Variants in CBFA2T2 observed in about 807,000 individuals in gnomAD.
CBFA2T2 encodes the protein protein CBFA2T2.
A neutral mutation model predicts 62.2 loss-of-function variants in CBFA2T2; 11 were observed. The ratio of observed to expected loss-of-function variants is 0.18; its 90% CI spans 0.11 to 0.29. The LOEUF (loss-of-function observed/expected upper bound fraction) is 0.29. Among genes scored for constraint, CBFA2T2 ranks in the 10% least tolerant of loss-of-function variants. The pLI is 1.00. For missense variants in CBFA2T2, 592 were observed against 774.1 expected (o/e 0.76, Z 2.79); for synonymous variants, 295 against 287.5 (o/e 1.03, Z -0.27).
intron 2 of CBFA2T2, 79 bp downstream of exon 2, chr20:33,607,178 A>G (rs113053077): frequency 7.5e-7 from 1 of 1,331,806 alleles, no homozygotes; most frequent in Non-Finnish European, 1.0e-6. Context: ...GAAGCGTTCC[A>G]CATATATTAT....
At chr20:33,632,613 C>T (rs935562432) in intron 8 of CBFA2T2, among the ~76,000 whole-genome samples, 2 of 151,276 alleles carry the variant, frequency 1.3e-5, no homozygotes, top group South Asian at 4.2e-4. Flanking sequence ...GGATTACAAG[C>T]GCCTGCCACC....
At chr20:33,559,464 A>G (rs2013019329) in intron 1 of CBFA2T2, among the ~76,000 whole-genome samples, 2 of 150,784 alleles carry the variant, frequency 1.3e-5, no homozygotes, top group South Asian at 4.2e-4. Context: ...GTGATCCACC[A>G]CTCCTGGCCC....
In CBFA2T2 at chr20:33,647,914, G is replaced by C. The variant is rs745918816; in HGVS notation, c.*3268G>C. 6.6e-6 allele frequency: 1 copy of C among 152,262 alleles called. No homozygotes were observed. Among genetic ancestry groups the C allele is most frequent in the African/African-American group, 2.4e-5 (1 of 41,476 alleles). 9.4% of individuals were successfully genotyped at this position (152,262 alleles called of 1,614,324 possible). A position where few individuals can be genotyped will look rare whatever the true frequency, so the allele number is the denominator to read the frequency against. On this transcript the variant is annotated 3_prime_UTR_variant, in exon 11 of 11. Transcript: ENST00000342704. ...TGTTAATTCTGGTCAGTTTCACACA[G>C]AAGTCACGAGGGCCTCTGCCCAGGA...
At chr20:33,621,122 C>A (rs2015946032) in intron 4 of CBFA2T2, among the ~76,000 whole-genome samples, 1 of 152,076 alleles carries the variant, frequency 6.6e-6, no homozygotes, top group Non-Finnish European at 1.5e-5. Flanking sequence ...GATAGTTATT[C>A]TATCTGCGCA....
At chr20:33,545,597 C>T (rs4911128) in intron 1 of CBFA2T2, among the ~76,000 whole-genome samples, 2,569 of 152,310 alleles carry the variant, frequency 0.017, 205 homozygotes, top group Admixed American at 0.14. Context: ...CAGGCACATG[C>T]CGCCATGCCT....
intron 1 of CBFA2T2, among the ~76,000 whole-genome samples, chr20:33,581,935 A>G (rs1212860054): frequency 6.6e-6 from 1 of 152,206 alleles, no homozygotes; most frequent in African/African-American, 2.4e-5. Context: ...AAGGAATCTT[A>G]GTTTTCGGCT....
intron 1 of CBFA2T2, among the ~76,000 whole-genome samples, chr20:33,541,304 G>A (rs1322210094): frequency 2.0e-5 from 3 of 152,216 alleles, no homozygotes; most frequent in East Asian, 3.8e-4. Context: ...TTAGAAGCAG[G>A]TTAAGCCAAA....
At chr20:33,511,593 A>C (rs546285404) in intron 1 of CBFA2T2, among the ~76,000 whole-genome samples, 4 of 152,316 alleles carry the variant, frequency 2.6e-5, no homozygotes, top group Admixed American at 2.6e-4. Context: ...TGTCTTCCAA[A>C]AGGATTACAG....
At chr20:33,564,978 G>A (rs1270779492) in intron 1 of CBFA2T2, among the ~76,000 whole-genome samples, 2 of 152,010 alleles carry the variant, frequency 1.3e-5, no homozygotes, top group Admixed American at 6.5e-5. Context: ...GGAGTGCAGC[G>A]GCGCGATCTC....
Position 33,648,806 on chromosome 20 carries a change from A to C in CBFA2T2, c.*4160A>C, listed in dbSNP as rs1258110655. On this transcript the variant is annotated 3_prime_UTR_variant, in exon 11 of 11. Coordinates refer to ENST00000342704, the MANE Select transcript of CBFA2T2 (RefSeq NM_001032999.3). ...GGTCACCAGGAGTTCATCACTGCTT[A>C]GTGTCAACTTGACATCTTCAGCTTC... The C allele has an allele frequency of 2.0e-5, 3 of 152,246 alleles. No homozygotes were observed. Among genetic ancestry groups the C allele is most frequent in the Non-Finnish European group, 4.4e-5 (3 of 68,054 alleles). 9.4% of individuals were successfully genotyped at this position (152,246 alleles called of 1,614,324 possible). A position where few individuals can be genotyped will look rare whatever the true frequency, so the allele number is the denominator to read the frequency against.
At chr20:33,637,211 A>G (rs1213594066) in intron 9 of CBFA2T2, among the ~76,000 whole-genome samples, 5 of 152,190 alleles carry the variant, frequency 3.3e-5, no homozygotes, top group Non-Finnish European at 7.3e-5. Flanking sequence ...GGGACTGCCT[A>G]TTTTGTAAGT....
In CBFA2T2 at chr20:33,574,224, C is replaced by T. The variant is rs535410000; in HGVS notation, c.35-32732C>T. 8 of 1,613,602 alleles carry T rather than the reference C, an allele frequency of 5.0e-6. No individual in the cohort carries two copies. The East Asian group carries it at 1.8e-4, about 36-fold the overall frequency. On this transcript the variant is annotated intron_variant, in intron 1 of 10. Coordinates refer to ENST00000342704, the MANE Select transcript of CBFA2T2 (RefSeq NM_001032999.3). Reference sequence around the variant, plus strand: ...GAATGGCTAAAGAATCTGGAATAAGCTTGAAAGAAATACAGGTCCTGGCAA... The same window carrying T: ...GAATGGCTAAAGAATCTGGAATAAGTTTGAAAGAAATACAGGTCCTGGCAA...
intron 1 of CBFA2T2, among the ~76,000 whole-genome samples, chr20:33,576,685 C>T (rs2013840933): frequency 6.6e-6 from 1 of 152,274 alleles, no homozygotes. Context: ...AGGCAGCCAC[C>T]AGGAGGGCGC....
chr20:33,565,705 C>G (rs766570255), intron 1 of CBFA2T2, among the ~76,000 whole-genome samples: 3 of 152,084 alleles, frequency 2.0e-5, no homozygotes, highest in Non-Finnish European at 4.4e-5. Context: ...AATCATGATT[C>G]TTTCTGAAGA....
At chr20:33,521,274 G>A (rs1443116717) in intron 1 of CBFA2T2, among the ~76,000 whole-genome samples, 1 of 152,022 alleles carries the variant, frequency 6.6e-6, no homozygotes, top group Admixed American at 6.6e-5. Context: ...AGCTTGTTTT[G>A]CTAGTGTTAT....
At chr20:33,593,027 TTC>T (rs1344423732) in intron 1 of CBFA2T2, among the ~76,000 whole-genome samples, 1 of 152,180 alleles carries the variant, frequency 6.6e-6, no homozygotes, top group African/African-American at 2.4e-5. Context: ...AGAGCTGTTT[TTC>T]TTTCACATTG....
At position 33,607,022 on chromosome 20, in the gene CBFA2T2, C is replaced by T; in HGVS notation, c.101C>T (p.Ser34Phe). The T allele has an allele frequency of 6.2e-7, 1 of 1,614,024 alleles. No individual in the cohort carries two copies. The highest frequency in any genetic ancestry group is 8.5e-7 in the Non-Finnish European group (1 of 1,179,960). The change falls in exon 2 of 11, where the codon TCC becomes TTC. Residue 34 changes from serine to phenylalanine, a missense_variant. Ser to Phe is a radical substitution (Grantham distance 155). Transcript: ENST00000342704. ...SPVEVKIQSR[S>F]SPPTMPPLPP... is the part of the protein sequence containing the mutation. Reference sequence around the variant, plus strand: ...GTGGAAGTGAAGATACAGTCCAGATCCTCACCTCCCACCATGCCACCCCTC... The same window carrying T: ...GTGGAAGTGAAGATACAGTCCAGATTCTCACCTCCCACCATGCCACCCCTC...
chr20:33,598,848 T>G (rs1019333999), intron 1 of CBFA2T2, among the ~76,000 whole-genome samples: 5 of 152,244 alleles, frequency 3.3e-5, no homozygotes, highest in African/African-American at 1.2e-4. Context: ...CACCTTCTTC[T>G]GCCATGGCTT....
chr20:33,558,526 T>C (rs1379012676), intron 1 of CBFA2T2, among the ~76,000 whole-genome samples: 3 of 152,192 alleles, frequency 2.0e-5, no homozygotes, highest in African/African-American at 7.2e-5. Flanking sequence ...TATAAAGTTT[T>C]CCACATTCTC....
Sources: gnomAD v4.1 joint callset for allele counts (sites outside exome capture counted in the v4.1 genomes callset) on GRCh38, gnomAD v4.1.1 for gene constraint, MANE v1.5 for transcripts, NCBI Gene and HGNC (gene_info 2026-07-23, HGNC 2026-07-21) for gene names.